Variants in HS2ST1 observed in about 807,000 individuals in gnomAD.
The protein encoded by HS2ST1 is 2-O-sulfotransferase.
HS2ST1 carries 18 observed loss-of-function variants against 42.9 expected under a neutral mutation model. The ratio of observed to expected loss-of-function variants is 0.42; its 90% CI spans 0.29 to 0.62. The LOEUF is 0.62. Ranked by LOEUF, HS2ST1 falls within the 20% of genes least tolerant of loss-of-function variation. The pLI, the probability that HS2ST1 is intolerant of heterozygous loss-of-function variation, is 0.21. For missense variants in HS2ST1, 334 were observed against 433.8 expected, an observed-to-expected ratio of 0.77 and a Z score of 2.04; for synonymous variants, 146 against 152.9, an observed-to-expected ratio of 0.95 and a Z score of 0.33.
chr1:87,002,292 A>C lies in HS2ST1; in HGVS notation c.125-70642A>C, dbSNP rs181824082. Among the ~76,000 whole-genome samples the C allele has an allele frequency of 3.3e-5, 5 of 152,212 alleles. No individual in the cohort carries two copies. In the East Asian group the frequency reaches 9.7e-4, roughly 29 times the overall value. On this transcript the variant is annotated intron_variant, in intron 1 of 6. Coordinates refer to ENST00000370550, the MANE Select transcript of HS2ST1 (RefSeq NM_012262.4). ...AACTTTGTATGTAGCTACTATTTAG[A>C]CTGTTAAATGTTAAACCTAGCCAGG... is the stretch of plus-strand genomic sequence containing the variant.
chr1:87,105,626 T>G lies in HS2ST1; in HGVS notation c.*930T>G, dbSNP rs1235504891. 1 of 152,528 alleles carries G rather than the reference T, an allele frequency of 6.6e-6. No individual in the cohort carries two copies. Among genetic ancestry groups the G allele is most frequent in the African/African-American group, 2.4e-5 (1 of 41,448 alleles). 9.4% of individuals were successfully genotyped at this position (152,528 alleles called of 1,614,324 possible). A position where few individuals can be genotyped will look rare whatever the true frequency, so the allele number is the denominator to read the frequency against. ...GTGCTTTATAATGTGTTTTAAAGCATTGCATTTACAAAACAAGGAAAATGC... is the reference window on the plus strand; with the variant it reads ...GTGCTTTATAATGTGTTTTAAAGCAGTGCATTTACAAAACAAGGAAAATGC... On this transcript the variant is annotated 3_prime_UTR_variant, in exon 7 of 7. Coordinates refer to ENST00000370550, the MANE Select transcript of HS2ST1 (RefSeq NM_012262.4).
intron 1 of HS2ST1, among the ~76,000 whole-genome samples, chr1:87,021,448 T>A (rs753512750): frequency 6.6e-5 from 10 of 152,208 alleles, no homozygotes; most frequent in Non-Finnish European, 1.2e-4. Context: ...AAATTCATAT[T>A]TTCCAAACAA....
intron 1 of HS2ST1, among the ~76,000 whole-genome samples, chr1:87,008,438 A>G (rs1649502796): frequency 6.6e-6 from 1 of 152,228 alleles, no homozygotes; most frequent in Non-Finnish European, 1.5e-5. Flanking sequence ...TTGACAAAAC[A>G]TTTATACACT....
intron 1 of HS2ST1, among the ~76,000 whole-genome samples, chr1:86,920,618 G>T (rs1025938114): frequency 2.6e-5 from 4 of 152,100 alleles, no homozygotes; most frequent in African/African-American, 9.7e-5. Context: ...CCTTCTAATA[G>T]CTTTTTGGCA....
intron 1 of HS2ST1, among the ~76,000 whole-genome samples, chr1:87,005,314 T>A (rs1649405767): frequency 6.6e-6 from 1 of 152,216 alleles, no homozygotes; most frequent in Admixed American, 6.5e-5. Flanking sequence ...CCAATTTTCC[T>A]AAATTTTCAA....
chr1:87,056,667 T>C (rs1650977517), intron 1 of HS2ST1, among the ~76,000 whole-genome samples: 1 of 152,222 alleles, frequency 6.6e-6, no homozygotes, highest in Non-Finnish European at 1.5e-5. Context: ...TAGACTTCTC[T>C]GAGATTGGTG....
At chr1:87,093,900 T>C (rs1335431409) in intron 4 of HS2ST1, among the ~76,000 whole-genome samples, 1 of 151,526 alleles carries the variant, frequency 6.6e-6, no homozygotes, top group Non-Finnish European at 1.5e-5. Context: ...GCTGTTTCTT[T>C]AGTCTCAAAG....
intron 1 of HS2ST1, chr1:86,992,901 T>C: frequency 1.8e-6 from 1 of 570,956 alleles, no homozygotes; most frequent in Non-Finnish European, 3.0e-6. Context: ...TAGAAGAATT[T>C]AATAAGATAA....
chr1:87,063,536 T>A (rs1367263616), intron 1 of HS2ST1, among the ~76,000 whole-genome samples: 1 of 151,984 alleles, frequency 6.6e-6, no homozygotes, highest in African/African-American at 2.4e-5. Context: ...AAGGTTTCAC[T>A]CTGTTGGCCA....
At chr1:87,056,418 T>C (rs1242695160) in intron 1 of HS2ST1, among the ~76,000 whole-genome samples, 3 of 152,284 alleles carry the variant, frequency 2.0e-5, no homozygotes, top group Non-Finnish European at 4.4e-5. Context: ...AGAAAATAGA[T>C]TAAGACAAGT....
chr1:87,012,161 T>G (rs528940471), intron 1 of HS2ST1, among the ~76,000 whole-genome samples: 8 of 152,232 alleles, frequency 5.3e-5, no homozygotes, highest in Non-Finnish European at 1.0e-4. Context: ...ATTTCACCTT[T>G]TTCTAGCACT....
At chr1:87,062,838 T>C (rs1482647917) in intron 1 of HS2ST1, among the ~76,000 whole-genome samples, 1 of 152,346 alleles carries the variant, frequency 6.6e-6, no homozygotes, top group East Asian at 1.9e-4. Flanking sequence ...TTGAAAAACA[T>C]TGTGCCACTT....
At chr1:86,956,751 T>C (rs1647688963) in intron 1 of HS2ST1, among the ~76,000 whole-genome samples, 6 of 152,192 alleles carry the variant, frequency 3.9e-5, no homozygotes, top group African/African-American at 1.2e-4. Flanking sequence ...AAAAAATATA[T>C]TACCCTATGG....
Position 87,031,405 on chromosome 1 carries a change from T to C in HS2ST1, c.125-41529T>C, listed in dbSNP as rs969648871. Among the ~76,000 whole-genome samples, 4 of 151,786 alleles carry C rather than the reference T, an allele frequency of 2.6e-5. No individual in the cohort carries two copies. The East Asian group carries it at 5.9e-4, about 22-fold the overall frequency. On this transcript the variant is annotated intron_variant, in intron 1 of 6. Coordinates refer to ENST00000370550, the MANE Select transcript of HS2ST1 (RefSeq NM_012262.4). ...ATGATTCTCATGTTGGGAGTCATCG[T>C]TGAGAACCACTGAACTAGATTATTT...
intron 1 of HS2ST1, among the ~76,000 whole-genome samples, chr1:86,952,701 C>G (rs1405915734): frequency 6.6e-6 from 1 of 152,174 alleles, no homozygotes; most frequent in Non-Finnish European, 1.5e-5. Flanking sequence ...TGAGAGGAAT[C>G]TTTTTTCCTG....
rs563498834 is a variant in HS2ST1 at position 87,107,806 on chromosome 1, C to T, written c.*3110C>T. The T allele has an allele frequency of 3.5e-4, 53 of 152,084 alleles. No homozygotes were observed. The highest frequency in any genetic ancestry group is 1.0e-4 in the Non-Finnish European group (7 of 67,902). 9.4% of individuals were successfully genotyped at this position (152,084 alleles called of 1,614,324 possible). On this transcript the variant is annotated 3_prime_UTR_variant, in exon 7 of 7. Coordinates refer to ENST00000370550, the MANE Select transcript of HS2ST1 (RefSeq NM_012262.4). ...TAAAATATATTTTGATTTTACCCAGCTTAATCTGTAAAGTAGCACTTAAAT... is the reference window on the plus strand; with the variant it reads ...TAAAATATATTTTGATTTTACCCAGTTTAATCTGTAAAGTAGCACTTAAAT...
At chr1:87,059,999 C>A (rs1043378094) in intron 1 of HS2ST1, among the ~76,000 whole-genome samples, 1 of 152,088 alleles carries the variant, frequency 6.6e-6, no homozygotes, top group Non-Finnish European at 1.5e-5. Flanking sequence ...ATAAGTAAAA[C>A]CTTTGTATGT....
chr1:87,096,823 T>C (rs1471819089), intron 4 of HS2ST1, among the ~76,000 whole-genome samples: 1 of 152,230 alleles, frequency 6.6e-6, no homozygotes, highest in African/African-American at 2.4e-5. Flanking sequence ...TTATTCATTT[T>C]GAGAAAATAT....
chr1:86,993,890 C>T (rs1649025801), intron 1 of HS2ST1, among the ~76,000 whole-genome samples: 1 of 152,142 alleles, frequency 6.6e-6, no homozygotes, highest in Non-Finnish European at 1.5e-5. Flanking sequence ...CACATATTTA[C>T]TACTGCTGTC....
Sources: gnomAD v4.1 joint callset for allele counts (sites outside exome capture counted in the v4.1 genomes callset) on GRCh38, gnomAD v4.1.1 for gene constraint, MANE v1.5 for transcripts, NCBI Gene and HGNC (gene_info 2026-07-23, HGNC 2026-07-21) for gene names.